Variants in RABEP1 observed in about 807,000 individuals in gnomAD.
The protein encoded by RABEP1 is rabaptin, RAB GTPase binding effector protein 1.
Under a neutral mutation model 123.4 loss-of-function variants are expected in RABEP1, and 51 were observed. The ratio of observed to expected loss-of-function variants is 0.41; its 90% confidence interval spans 0.33 to 0.52. The LOEUF is 0.52. Among genes scored for constraint, RABEP1 ranks in the 20% least tolerant of loss-of-function variants. RABEP1 has a pLI of 0.16. For missense variants in RABEP1, 888 were observed against 996.3 expected (o/e 0.89, Z 1.46); for synonymous variants, 347 against 355.2 (o/e 0.98, Z 0.26).
rs1426508577 is a variant in RABEP1 at position 5,377,119 on chromosome 17, C to G, written c.2029C>G (p.Leu677Val). The G allele has an allele frequency of 6.3e-7, 1 of 1,595,342 alleles. No individual in the cohort carries two copies. The highest frequency in any genetic ancestry group is 8.5e-7 in the Non-Finnish European group (1 of 1,175,390). The change falls in exon 14 of 18, where the codon CTG (leucine) becomes GTG (valine). Residue 677 changes from leucine (L) to valine (V), a missense_variant. Physicochemically the swap from Leu to Val is conservative, Grantham distance 32 (BLOSUM62 1). Coordinates refer to ENST00000537505, the MANE Select transcript of RABEP1 (RefSeq NM_004703.6). ...ATCATTTGTTTCTTGAATCCAGGCA[C>G]TGCGGGAGTTGGTATTAAAATACCG... ...DFILPDTTEALRELVLKYRED... is the reference protein window; with the variant it reads ...DFILPDTTEAVRELVLKYRED...
intron 10 of RABEP1, among the ~76,000 whole-genome samples, chr17:5,364,913 T>A (rs1266051808): frequency 1.3e-5 from 2 of 152,054 alleles, no homozygotes; most frequent in Non-Finnish European, 2.9e-5. Flanking sequence ...TCAGATGAGA[T>A]GTGTGTGAAA....
intron 6 of RABEP1, among the ~76,000 whole-genome samples, chr17:5,348,242 G>A (rs1243593330): frequency 8.5e-5 from 13 of 152,208 alleles, no homozygotes; most frequent in Non-Finnish European, 2.9e-5. Context: ...GCCTCCCAAA[G>A]TGCTGGGATT....
chr17:5,385,207 A>G lies in RABEP1; in HGVS notation c.*1984A>G. 1 of 230,350 alleles carries G rather than the reference A, an allele frequency of 4.3e-6. No homozygotes were observed. Among genetic ancestry groups the G allele is most frequent in the East Asian group, 6.2e-5 (1 of 16,110 alleles). The allele number at this position is 230,350 out of a possible 1,614,324, so 14.3% of individuals were successfully genotyped here. ...TTTAGCAATGTGTTTCTGGTATGAA[A>G]CAAACTACTGTGTCACTGTCCAGGT... On this transcript the variant is annotated 3_prime_UTR_variant, in exon 18 of 18. Transcript: ENST00000537505.
chr17:5,308,603 T>A (rs1304362246), intron 1 of RABEP1, 91 bp from the exon 2 acceptor site: 2 of 1,124,312 alleles, frequency 1.8e-6, no homozygotes, highest in Non-Finnish European at 2.5e-6. Flanking sequence ...TTGTTTCACG[T>A]ATAGCAATGT....
chr17:5,290,968 A>G (rs908477498), intron 1 of RABEP1, among the ~76,000 whole-genome samples: 1 of 152,206 alleles, frequency 6.6e-6, no homozygotes, highest in South Asian at 2.1e-4. Context: ...AGGCTATACA[A>G]ATTAGTAACT....
chr17:5,316,790 G>A (rs536116465), intron 2 of RABEP1, among the ~76,000 whole-genome samples: 13 of 126,388 alleles, frequency 1.0e-4, no homozygotes, highest in East Asian at 4.5e-4. Context: ...CTGAGATCGC[G>A]CTACTGCACT....
Position 5,330,964 on chromosome 17 carries a change from T to C in RABEP1, c.164-985T>C, listed in dbSNP as rs956848492. ...GCTTGAGCCCAGGAATTTGAGGTTA[T>C]AGTGGTCTATGTTTGCGTCACTGCA... On this transcript the variant is annotated intron_variant, in intron 2 of 17. Transcript: ENST00000537505. 1.5e-4 allele frequency among the ~76,000 whole-genome samples: 22 copies of C among 151,050 alleles called. 1 individual carries two copies. Among genetic ancestry groups the C allele is most frequent in the African/African-American group, 5.4e-4 (22 of 41,060 alleles).
chr17:5,362,936 G>C lies in RABEP1; in HGVS notation c.1588G>C (p.Gly530Arg). 6.2e-7 allele frequency: 1 copy of C among 1,613,726 alleles called. No individual in the cohort carries two copies. The highest frequency in any genetic ancestry group is 8.5e-7 in the Non-Finnish European group (1 of 1,179,660). Residue 530 changes from glycine (G) to arginine (R), a missense_variant, in exon 10 of 18, where the codon GGT (glycine) becomes CGT (arginine). By Grantham distance (125) the Gly-to-Arg change is moderately radical. Transcript: ENST00000537505. Reference sequence around the variant, plus strand: ...GGTACATAATGCTGGAAATAAACTTGGTAGACGTTGTGATATGTGTTCCAA... The same window carrying C: ...GGTACATAATGCTGGAAATAAACTTCGTAGACGTTGTGATATGTGTTCCAA... Reference protein sequence around the residue: ...KEVHNAGNKLGRRCDMCSNYE... With the variant: ...KEVHNAGNKLRRRCDMCSNYE...
intron 3 of RABEP1, among the ~76,000 whole-genome samples, chr17:5,332,675 C>G (rs1906672450): frequency 6.7e-6 from 1 of 148,178 alleles, no homozygotes; most frequent in Admixed American, 6.8e-5. Flanking sequence ...TCTCAGCTCA[C>G]TGTACTCGCT....
rs1034461503 is a variant in RABEP1, at chr17:5,317,248, A to G, written c.163+8426A>G. On this transcript the variant is annotated intron_variant, in intron 2 of 17. Coordinates refer to ENST00000537505, the MANE Select transcript of RABEP1 (RefSeq NM_004703.6). ...CTACAGGTAAAAAGAATCACACAGC[A>G]TGAAAAGTGGGATTCATCTCAGGAA... 1.9e-4 allele frequency among the ~76,000 whole-genome samples: 29 copies of G among 152,346 alleles called. 1 individual carries two copies. The highest frequency in any genetic ancestry group is 1.8e-4 in the Non-Finnish European group (12 of 68,016).
intron 1 of RABEP1, among the ~76,000 whole-genome samples, chr17:5,293,945 A>C (rs2075056543): frequency 6.6e-6 from 1 of 152,174 alleles, no homozygotes; most frequent in Non-Finnish European, 1.5e-5. Context: ...CACATCTTGC[A>C]CTTGTCATTA....
In RABEP1 at chr17:5,373,450, C is replaced by G. The variant is rs1304451830; in HGVS notation, c.2021C>G (p.Thr674Arg). 6.2e-7 allele frequency: 1 copy of G among 1,603,078 alleles called. No homozygotes were observed. The highest frequency in any genetic ancestry group is 8.5e-7 in the Non-Finnish European group (1 of 1,176,556). The change falls in exon 13 of 18, where the codon ACA (threonine) becomes AGA (arginine). Residue 674 changes from threonine to arginine, a missense_variant. By Grantham distance (71) the Thr-to-Arg change is moderately conservative (BLOSUM62 -1). Transcript: ENST00000537505. Reference protein sequence around the residue: ...QAEDFILPDTTEALRELVLKY... With the variant: ...QAEDFILPDTREALRELVLKY... ...GAAGACTTCATCCTCCCAGACACTA[C>G]AGAGGTAACTTACTTTCCACATGAT...
intron 3 of RABEP1, among the ~76,000 whole-genome samples, chr17:5,333,942 G>A (rs190257872): frequency 3.9e-5 from 6 of 152,204 alleles, no homozygotes; most frequent in African/African-American, 1.4e-4. Flanking sequence ...ACTGGACAAT[G>A]TAGTTTTAAA....
At chr17:5,302,433 G>A (rs1393834873) in intron 1 of RABEP1, among the ~76,000 whole-genome samples, 1 of 151,476 alleles carries the variant, frequency 6.6e-6, no homozygotes, top group Non-Finnish European at 1.5e-5. Flanking sequence ...TATAGATAGG[G>A]TTTTGCCATA....
intron 13 of RABEP1, among the ~76,000 whole-genome samples, chr17:5,373,709 C>T (rs1910729693): frequency 6.8e-6 from 1 of 147,002 alleles, no homozygotes; most frequent in African/African-American, 2.6e-5. Flanking sequence ...CACACACACA[C>T]ACACACACAC....
chr17:5,358,861 A>G (rs902918120), intron 8 of RABEP1, among the ~76,000 whole-genome samples: 39 of 152,232 alleles, frequency 2.6e-4, no homozygotes, highest in Admixed American at 1.9e-3. Context: ...CCTGGGCTCA[A>G]GCAATCCTCC....
chr17:5,306,874 C>T (rs544185909), intron 1 of RABEP1, among the ~76,000 whole-genome samples: 1 of 152,150 alleles, frequency 6.6e-6, no homozygotes, highest in African/African-American at 2.4e-5. Flanking sequence ...ATTGAATCCT[C>T]TAGTGAAAGT....
At chr17:5,282,702 C>T (rs544525093) in intron 1 of RABEP1, among the ~76,000 whole-genome samples, 182 bp downstream of exon 1, 8 of 146,424 alleles carry the variant, frequency 5.5e-5, no homozygotes, top group African/African-American at 1.5e-4. Flanking sequence ...CCCCGGCTGC[C>T]GTCGCTGGGG....
At chr17:5,304,013 G>A (rs1176364817) in intron 1 of RABEP1, among the ~76,000 whole-genome samples, 8 of 145,986 alleles carry the variant, frequency 5.5e-5, no homozygotes, top group Non-Finnish European at 9.0e-5. Context: ...TAGCCTGGGC[G>A]ACAAGAGCGA....
Sources: gnomAD v4.1 joint callset for allele counts (sites outside exome capture counted in the v4.1 genomes callset) on GRCh38, gnomAD v4.1.1 for gene constraint, MANE v1.5 for transcripts, NCBI Gene and HGNC (gene_info 2026-07-23, HGNC 2026-07-21) for gene names.